The following DPYSL2 variants were observed in gnomAD, a reference collection of about 807,000 sequenced individuals.
The protein encoded by DPYSL2 is dihydropyrimidinase-related protein 2.
In DPYSL2, 13 loss-of-function variants were observed where a neutral mutation model predicts 69.9. The ratio of observed to expected loss-of-function variants is 0.19; its 90% CI spans 0.12 to 0.30. The LOEUF (loss-of-function observed/expected upper bound fraction) is 0.30. Ranked by LOEUF, DPYSL2 falls within the 10% of genes least tolerant of loss-of-function variation. The pLI is 1.00. For synonymous variants in DPYSL2, 326 were observed against 359.1 expected (o/e 0.91, Z 1.04); for missense variants, 587 against 918.9 (o/e 0.64, Z 4.67).
At chr8:26,613,732 G>A (rs1003783732) in intron 3 of DPYSL2, among the ~76,000 whole-genome samples, 6 of 152,142 alleles carry the variant, frequency 3.9e-5, no homozygotes, top group African/African-American at 1.4e-4. Flanking sequence ...GCCAGGGAAG[G>A]CCCTGCTGTT....
rs918577185 is a variant in DPYSL2 at position 26,514,946 on chromosome 8, C to T, written c.354+267C>T. Among the ~76,000 whole-genome samples, 1 of 152,220 alleles carries T rather than the reference C, an allele frequency of 6.6e-6. No individual in the cohort carries two copies. Among genetic ancestry groups the T allele is most frequent in the Non-Finnish European group, 1.5e-5 (1 of 68,030 alleles). On this transcript the variant is annotated intron_variant, in intron 1 of 13. Transcript: ENST00000521913. This position sits in a 1 kb window ranked among gnomAD's most constrained non-coding sequence, Gnocchi z 8.4. ...GTGGGCATAGGGAATGGGCTGATCC[C>T]CTGCTGGGGCGGGCGGTGGTCGTCT...
At chr8:26,540,778 G>A (rs1030822492) in intron 1 of DPYSL2, among the ~76,000 whole-genome samples, 3 of 151,944 alleles carry the variant, frequency 2.0e-5, no homozygotes, top group Non-Finnish European at 2.9e-5. Context: ...GGTGGCACAT[G>A]CCTGTAATCC....
Position 26,643,326 on chromosome 8 carries a change from T to A in DPYSL2, c.1127-113T>A, listed in dbSNP as rs1364379673. 8.7e-7 allele frequency: 1 copy of A among 1,153,350 alleles called. No homozygotes were observed. The highest frequency in any genetic ancestry group is 1.2e-6 in the Non-Finnish European group (1 of 824,216). The allele number at this position is 1,153,350 out of a possible 1,614,324, so 71.4% of individuals were successfully genotyped here. A position where few individuals can be genotyped will look rare whatever the true frequency, so the allele number is the denominator to read the frequency against. On this transcript the variant is annotated intron_variant, in intron 8 of 13. Coordinates refer to ENST00000521913, the MANE Select transcript of DPYSL2 (RefSeq NM_001197293.3). This position sits in a 1 kb window ranked among gnomAD's most constrained non-coding sequence, Gnocchi z 6.5. ...TGCGAGATGAGCCTGATATTTCCTA[T>A]AAAGGGATAGTGAGTGCACTGGGTG...
chr8:26,552,263 C>T (rs1800884061), intron 1 of DPYSL2, among the ~76,000 whole-genome samples: 1 of 152,054 alleles, frequency 6.6e-6, no homozygotes, highest in African/African-American at 2.4e-5. Context: ...AGATTTATAC[C>T]ATTAAACGCA....
intron 1 of DPYSL2, among the ~76,000 whole-genome samples, chr8:26,559,361 A>C (rs900760454): frequency 1.3e-5 from 2 of 152,224 alleles, no homozygotes; most frequent in African/African-American, 4.8e-5. Context: ...CACATTAAAA[A>C]TTTTAATCAT....
At chr8:26,555,088 G>A (rs1435022777) in intron 1 of DPYSL2, among the ~76,000 whole-genome samples, 5 of 110,802 alleles carry the variant, frequency 4.5e-5, no homozygotes, top group Non-Finnish European at 8.1e-5. Flanking sequence ...TAGATAGAAA[G>A]CTAAGTATAT....
chr8:26,607,404 A>G (rs1349208290), intron 3 of DPYSL2, among the ~76,000 whole-genome samples: 2 of 149,544 alleles, frequency 1.3e-5, no homozygotes, highest in African/African-American at 2.5e-5. Flanking sequence ...AATCACTTGA[A>G]CCTGAGAGGT....
At chr8:26,594,563 G>T (rs1290526857) in intron 3 of DPYSL2, among the ~76,000 whole-genome samples, 1 of 151,652 alleles carries the variant, frequency 6.6e-6, no homozygotes, top group African/African-American at 2.4e-5. Context: ...TGTACCTATG[G>T]TCTATCATCT....
intron 1 of DPYSL2, among the ~76,000 whole-genome samples, chr8:26,570,481 C>T (rs1801218754): frequency 6.6e-6 from 1 of 152,134 alleles, no homozygotes; most frequent in Non-Finnish European, 1.5e-5. Context: ...GGGCTCATGC[C>T]TGTAATCCCA....
In DPYSL2 at chr8:26,582,107, C is replaced by G. The variant is rs1316467576; in HGVS notation, c.443+50C>G. 1.4e-6 allele frequency: 2 copies of G among 1,467,398 alleles called. No homozygotes were observed. Among genetic ancestry groups the G allele is most frequent in the Non-Finnish European group, 1.9e-6 (2 of 1,051,600 alleles). The allele number at this position is 1,467,398 out of a possible 1,614,324, so 90.9% of individuals were successfully genotyped here. Reference sequence around the variant, plus strand: ...ATGTATTTGAACACTTTCCAGACTTCCCAAGTATTAGATACCATTCGCATC... The same window carrying G: ...ATGTATTTGAACACTTTCCAGACTTGCCAAGTATTAGATACCATTCGCATC... On this transcript the variant is annotated intron_variant, in intron 2 of 13. Coordinates refer to ENST00000521913, the MANE Select transcript of DPYSL2 (RefSeq NM_001197293.3). The surrounding 1 kb of genome is among the most constrained non-coding windows in gnomAD (Gnocchi z 4.1).
In DPYSL2 at chr8:26,625,370, A is replaced by T. The variant is rs1354178339; in HGVS notation, c.793+1063A>T. 3.3e-5 allele frequency among the ~76,000 whole-genome samples: 5 copies of T among 152,228 alleles called. No homozygotes were observed. The East Asian group carries it at 7.7e-4, about 23-fold the overall frequency. On this transcript the variant is annotated intron_variant, in intron 4 of 13. Coordinates refer to ENST00000521913, the MANE Select transcript of DPYSL2 (RefSeq NM_001197293.3). ...GACTCCAAGTGGTTTAACTGTGGAT[A>T]CTTAGACTGAATCTGCTCCAAACCA...
intron 3 of DPYSL2, among the ~76,000 whole-genome samples, chr8:26,602,997 C>G (rs2034040): frequency 0.12 from 18,644 of 152,030 alleles, 1,272 homozygotes; most frequent in Non-Finnish European, 0.15. Context: ...GAGTGTCCAC[C>G]CAAGAGAGAG....
chr8:26,594,947 T>C (rs1380216937), intron 3 of DPYSL2, among the ~76,000 whole-genome samples: 1 of 152,160 alleles, frequency 6.6e-6, no homozygotes, highest in Non-Finnish European at 1.5e-5. Flanking sequence ...TTTGGGAGAT[T>C]GAGGTGGGAG....
intron 1 of DPYSL2, among the ~76,000 whole-genome samples, chr8:26,576,007 A>C (rs1801321515): frequency 6.6e-6 from 1 of 152,182 alleles, no homozygotes; most frequent in Non-Finnish European, 1.5e-5. Context: ...TTACCGGTTG[A>C]CAGCAATACT....
chr8:26,536,662 C>T (rs1206543242), intron 1 of DPYSL2, among the ~76,000 whole-genome samples: 2 of 148,536 alleles, frequency 1.3e-5, no homozygotes, highest in African/African-American at 5.1e-5. Flanking sequence ...CAGAGAGAGA[C>T]TCCATCTCAA....
chr8:26,654,218 G>A lies in DPYSL2; in HGVS notation c.1942+821G>A, dbSNP rs1803336350. ...TATATATGTACAGTGCTTAGAATGG[G>A]GCCATTTGAGAACTGTTAGTTGTAT... On this transcript the variant is annotated intron_variant, in intron 13 of 13. Coordinates refer to ENST00000521913, the MANE Select transcript of DPYSL2 (RefSeq NM_001197293.3). This position sits in a 1 kb window ranked among gnomAD's most constrained non-coding sequence, Gnocchi z 5.0. Among the ~76,000 whole-genome samples the A allele has an allele frequency of 6.6e-6, 1 of 152,124 alleles. No homozygotes were observed. The highest frequency in any genetic ancestry group is 6.5e-5 in the Admixed American group (1 of 15,278).
chr8:26,612,999 C>A (rs540753994), intron 3 of DPYSL2, among the ~76,000 whole-genome samples: 2 of 152,302 alleles, frequency 1.3e-5, no homozygotes, highest in African/African-American at 4.8e-5. Flanking sequence ...CTTTGTGAAT[C>A]ACTTAAAAAC....
rs1178926842 is a variant in DPYSL2 at position 26,560,832 on chromosome 8, A to C, written c.355-21137A>C. Among the ~76,000 whole-genome samples the C allele has an allele frequency of 6.6e-6, 1 of 152,210 alleles. No individual in the cohort carries two copies. The highest frequency in any genetic ancestry group is 1.5e-5 in the Non-Finnish European group (1 of 68,042). ...TAAGTATAATCACCAGCAGTTACAA[A>C]GTGCTGGTTCCACCCATTTTCCAAC... is the stretch of plus-strand genomic sequence containing the variant. On this transcript the variant is annotated intron_variant, in intron 1 of 13. Coordinates refer to ENST00000521913, the MANE Select transcript of DPYSL2 (RefSeq NM_001197293.3). The surrounding 1 kb of genome is among the most constrained non-coding windows in gnomAD (Gnocchi z 4.4).
Position 26,554,356 on chromosome 8 carries a change from G to A in DPYSL2, c.355-27613G>A, listed in dbSNP as rs377368585. ...AGTGTCTGTTCATGTCCTTTGCCCA[G>A]TTTTTAATGGTTTTTTTTTTTGTAA... is the stretch of plus-strand genomic sequence containing the variant. On this transcript the variant is annotated intron_variant, in intron 1 of 13. Transcript: ENST00000521913. Among the ~76,000 whole-genome samples, 535 of 89,544 alleles carry A rather than the reference G, an allele frequency of 6.0e-3. 1 individual carries two copies. The highest frequency in any genetic ancestry group is 0.016 in the African/African-American group (508 of 30,990). 58.7% of individuals were successfully genotyped at this position (89,544 alleles called of 152,430 possible).
Sources: allele counts gnomAD v4.1 joint callset (sites outside exome capture counted in the v4.1 genomes callset), GRCh38; gene constraint gnomAD v4.1.1; non-coding constraint Gnocchi (gnomAD v3.1); transcripts MANE v1.5; gene names NCBI Gene and HGNC (gene_info 2026-07-23, HGNC 2026-07-21).